Variants in MDFIC2 observed in about 807,000 individuals in gnomAD.
MDFIC2 encodes the protein MyoD family inhibitor domain containing 2.
intron 2 of MDFIC2, among the ~76,000 whole-genome samples, chr3:70,299,769 G>C (rs755078747): frequency 3.9e-5 from 6 of 152,062 alleles, no homozygotes; most frequent in Non-Finnish European, 8.8e-5. Context: ...AAAGCACAGA[G>C]CTGATTCTGT....
At chr3:70,199,727 T>C (rs184544031) in intron 3 of MDFIC2, among the ~76,000 whole-genome samples, 1 of 152,316 alleles carries the variant, frequency 6.6e-6, no homozygotes, top group African/African-American at 2.4e-5. Context: ...GATTTCCTCT[T>C]GTCCTGAATG....
At chr3:70,209,140 A>T (rs1000452374) in intron 2 of MDFIC2, among the ~76,000 whole-genome samples, 1 of 152,102 alleles carries the variant, frequency 6.6e-6, no homozygotes, top group African/African-American at 2.4e-5. Flanking sequence ...CTAATATTGC[A>T]GATAGATGGA....
chr3:70,295,737 T>A (rs67224117), intron 2 of MDFIC2, among the ~76,000 whole-genome samples: 16,375 of 152,152 alleles, frequency 0.11, 1,127 homozygotes, highest in East Asian at 0.37. Context: ...AATGCAAATA[T>A]TTTAAAGTGC....
chr3:70,200,121 C>T (rs570662126), intron 3 of MDFIC2, among the ~76,000 whole-genome samples: 86 of 152,256 alleles, frequency 5.6e-4, no homozygotes, highest in Non-Finnish European at 5.3e-4. Flanking sequence ...AATTCGTATT[C>T]GAAATCCACA....
At chr3:70,210,956 A>T (rs1240179288) in intron 2 of MDFIC2, among the ~76,000 whole-genome samples, 1 of 152,158 alleles carries the variant, frequency 6.6e-6, no homozygotes, top group Non-Finnish European at 1.5e-5. Flanking sequence ...CATGCAACAG[A>T]TGAATCAATG....
intron 2 of MDFIC2, among the ~76,000 whole-genome samples, chr3:70,207,605 T>C (rs1261995051): frequency 6.6e-6 from 1 of 151,840 alleles, no homozygotes; most frequent in Non-Finnish European, 1.5e-5. Flanking sequence ...AAATCCTAGA[T>C]ACACAGATTG....
At chr3:70,283,766 A>AT (rs1575615007) in intron 2 of MDFIC2, 1 of 142,296 alleles carries the variant, frequency 7.0e-6, no homozygotes, top group South Asian at 2.4e-4. Context: ...TGTAATGCTT[A>AT]TTTTTTGTAA....
At chr3:70,293,924 A>G (rs1376260325) in intron 2 of MDFIC2, among the ~76,000 whole-genome samples, 3 of 152,060 alleles carry the variant, frequency 2.0e-5, no homozygotes, top group Non-Finnish European at 4.4e-5. Flanking sequence ...GGAGCCAGAA[A>G]AAAAGAGCAA....
At chr3:70,228,535 T>C (rs928462722) in intron 2 of MDFIC2, among the ~76,000 whole-genome samples, 3 of 152,122 alleles carry the variant, frequency 2.0e-5, no homozygotes, top group African/African-American at 7.2e-5. Flanking sequence ...GTTCTTTGTT[T>C]GTTTGTTTGT....
chr3:70,203,458 T>A (rs998738406), intron 3 of MDFIC2, among the ~76,000 whole-genome samples: 9 of 152,178 alleles, frequency 5.9e-5, no homozygotes, highest in African/African-American at 2.2e-4. Context: ...TACTTAAATA[T>A]GTCAAGATCT....
intron 2 of MDFIC2, among the ~76,000 whole-genome samples, chr3:70,278,189 C>T (rs1470887512): frequency 6.6e-6 from 1 of 152,068 alleles, no homozygotes; most frequent in African/African-American, 2.4e-5. Flanking sequence ...AGTGTATATT[C>T]TTTTATTTAT....
intron 2 of MDFIC2, among the ~76,000 whole-genome samples, chr3:70,296,001 A>G (rs1702286310): frequency 6.6e-6 from 1 of 152,204 alleles, no homozygotes; most frequent in African/African-American, 2.4e-5. Flanking sequence ...TTGTACATGT[A>G]TTTAAAACTG....
At chr3:70,235,644 G>A (rs779859177) in intron 2 of MDFIC2, among the ~76,000 whole-genome samples, 9 of 152,000 alleles carry the variant, frequency 5.9e-5, no homozygotes, top group Non-Finnish European at 1.2e-4. Flanking sequence ...GTTTCTCTAT[G>A]ACCCCTTTGC....
intron 2 of MDFIC2, among the ~76,000 whole-genome samples, chr3:70,303,507 CT>C (rs1702369725): frequency 6.6e-6 from 1 of 152,134 alleles, no homozygotes; most frequent in Non-Finnish European, 1.5e-5. Flanking sequence ...CCTGATTCTC[CT>C]GAACCTAGAT....
At chr3:70,212,857 A>T (rs1701364905) in intron 2 of MDFIC2, among the ~76,000 whole-genome samples, 1 of 151,930 alleles carries the variant, frequency 6.6e-6, no homozygotes, top group African/African-American at 2.4e-5. Flanking sequence ...GTGGTGGTGC[A>T]ATCACAGTTC....
intron 2 of MDFIC2, among the ~76,000 whole-genome samples, chr3:70,305,540 G>A (rs1325699165): frequency 6.6e-6 from 1 of 152,154 alleles, no homozygotes; most frequent in East Asian, 1.9e-4. Context: ...TTATAATAAA[G>A]CACTTAAGTA....
At position 70,212,696 on chromosome 3, in the gene MDFIC2, C is replaced by T. The variant is rs182202344; in HGVS notation, c.89-5906G>A. 1.8e-4 allele frequency among the ~76,000 whole-genome samples: 27 copies of T among 152,192 alleles called. No homozygotes were observed. The East Asian group carries it at 4.5e-3, about 25-fold the overall frequency. On this transcript the variant is annotated intron_variant, in intron 2 of 3. Coordinates refer to ENST00000567252, the MANE Select transcript of MDFIC2 (RefSeq NM_001364677.1). ...ATTATACTTTGGACAATATTCTTCTCGTCATATTAGTCATAAAGAAAGCAA... is the reference window on the plus strand; with the variant it reads ...ATTATACTTTGGACAATATTCTTCTTGTCATATTAGTCATAAAGAAAGCAA...
intron 2 of MDFIC2, among the ~76,000 whole-genome samples, chr3:70,308,196 G>A (rs957915661): frequency 1.3e-5 from 2 of 152,018 alleles, no homozygotes; most frequent in African/African-American, 4.8e-5. Flanking sequence ...GACTATAGGG[G>A]TATGCCATTA....
chr3:70,217,191 T>A (rs1487643983), intron 2 of MDFIC2, among the ~76,000 whole-genome samples: 1 of 152,140 alleles, frequency 6.6e-6, no homozygotes, highest in South Asian at 2.1e-4. Context: ...AGACCGTAGG[T>A]ACTCAACATA....
Sources: allele counts gnomAD v4.1 joint callset (sites outside exome capture counted in the v4.1 genomes callset), GRCh38; gene constraint gnomAD v4.1.1; transcripts MANE v1.5; gene names NCBI Gene and HGNC (gene_info 2026-07-23, HGNC 2026-07-21).